RANBP2: variants seen among roughly 807,000 people sequenced by gnomAD.
RANBP2 encodes the protein RAN binding protein 2, also known as E3 SUMO-protein ligase RanBP2.
Under a neutral mutation model 303.6 loss-of-function variants are expected in RANBP2, and 57 were observed. That is an observed-to-expected ratio of 0.19 (90% CI 0.15 to 0.23). The LOEUF is 0.23. Among genes scored for constraint, RANBP2 ranks in the 10% least tolerant of loss-of-function variants. RANBP2 has a pLI of 1.00. For missense variants in RANBP2, 3,138 were observed against 3,780.8 expected, an observed-to-expected ratio of 0.83 and a Z score of 4.46; for synonymous variants, 1,167 against 1,301.5, an observed-to-expected ratio of 0.90 and a Z score of 2.23.
the RANBP2 span, among the ~76,000 whole-genome samples, chr2:109,270,060 ATGCCGTGAGCTTGGC>A: frequency 6.6e-6 from 1 of 152,226 alleles, no homozygotes; most frequent in African/African-American, 2.4e-5. Flanking sequence ...AGGAAGCAGG[ATGCCGTGAGCTTGGC>A]TGCCGTGGGG....
the RANBP2 span, among the ~76,000 whole-genome samples, chr2:109,608,436 C>A: frequency 6.6e-6 from 1 of 152,190 alleles, no homozygotes; most frequent in East Asian, 1.9e-4. Flanking sequence ...TAAACTTGAT[C>A]TGATTCTTAA....
chr2:108,891,453 A>G, the RANBP2 span, among the ~76,000 whole-genome samples: 2 of 152,234 alleles, frequency 1.3e-5, no homozygotes, highest in Admixed American at 1.3e-4. Context: ...GGTGGCATCC[A>G]TGATTTCCCC....
chr2:109,357,625 G>A, the RANBP2 span, among the ~76,000 whole-genome samples: 9 of 152,154 alleles, frequency 5.9e-5, no homozygotes, highest in African/African-American at 1.9e-4. Flanking sequence ...AAGGAATCAC[G>A]CAGGATTTAT....
chr2:109,392,312 A>T, the RANBP2 span, among the ~76,000 whole-genome samples: 1 of 152,300 alleles, frequency 6.6e-6, no homozygotes, highest in East Asian at 1.9e-4. Flanking sequence ...ATCTCAGAAA[A>T]GGGGTGAGCA....
chr2:109,581,993 T>C, the RANBP2 span, among the ~76,000 whole-genome samples: 1 of 151,782 alleles, frequency 6.6e-6, no homozygotes, highest in Non-Finnish European at 1.5e-5. Flanking sequence ...GCAAAACCAA[T>C]GTACAAAAAT....
the RANBP2 span, among the ~76,000 whole-genome samples, chr2:108,974,502 G>C: frequency 1.3e-5 from 2 of 151,160 alleles, no homozygotes; most frequent in South Asian, 2.1e-4. Flanking sequence ...GAGGCCAAGG[G>C]GGGTGGATCA....
At chr2:109,034,298 G>GAAAA in the RANBP2 span, among the ~76,000 whole-genome samples, 87 of 124,956 alleles carry the variant, frequency 7.0e-4, 1 homozygote, top group Non-Finnish European at 1.1e-3. Context: ...AAAAAAAAAG[G>GAAAA]AAGGTTCAAA....
At chr2:108,841,072 G>T in the RANBP2 span, among the ~76,000 whole-genome samples, 2 of 152,052 alleles carry the variant, frequency 1.3e-5, no homozygotes, top group Non-Finnish European at 2.9e-5. Context: ...TTGACCTCAA[G>T]TGATCTGCCC....
the RANBP2 span, among the ~76,000 whole-genome samples, chr2:109,711,984 T>C: frequency 6.6e-6 from 1 of 152,212 alleles, no homozygotes; most frequent in East Asian, 1.9e-4. Context: ...CAGTGCATCC[T>C]GCCTGGCTCC....
chr2:108,755,013 G>A lies in RANBP2; in HGVS notation c.2311G>A (p.Ala771Thr). Residue 771 changes from alanine (A) to threonine (T), a missense_variant, in exon 16 of 29, where the codon GCA (alanine) becomes ACA (threonine). Coordinates refer to ENST00000283195, the MANE Select transcript of RANBP2 (RefSeq NM_006267.5). ...CTATAAAAATGGTTCTTTGCGAAAT[G>A]CAGATTCAGAAATAAAACATTCTAC... The part of the protein sequence containing the change: ...PLYKNGSLRN[A>T]DSEIKHSTPS... 1 of 1,611,842 alleles carries A rather than the reference G, an allele frequency of 6.2e-7. No individual in the cohort carries two copies. The highest frequency in any genetic ancestry group is 1.1e-5 in the South Asian group (1 of 90,986).
intron 20 of RANBP2, 127 bp from the exon 21 acceptor site, chr2:108,771,574 A>G (rs878906761): frequency 2.7e-6 from 4 of 1,458,294 alleles, no homozygotes; most frequent in South Asian, 2.6e-5. Context: ...GCATCAAAGT[A>G]TATGTGTTTT....
At chr2:109,379,423 G>A in the RANBP2 span, among the ~76,000 whole-genome samples, 26 of 152,066 alleles carry the variant, frequency 1.7e-4, no homozygotes, top group Non-Finnish European at 3.2e-4. Context: ...CTCTCCAGGC[G>A]AGCCCCTCGC....
At chr2:109,051,905 T>A in the RANBP2 span, among the ~76,000 whole-genome samples, 1 of 152,004 alleles carries the variant, frequency 6.6e-6, no homozygotes, top group Non-Finnish European at 1.5e-5. Flanking sequence ...CCCACCACCA[T>A]GCCCAGCTAA....
At chr2:109,259,962 A>G in the RANBP2 span, among the ~76,000 whole-genome samples, 1 of 152,144 alleles carries the variant, frequency 6.6e-6, no homozygotes, top group South Asian at 2.1e-4. Context: ...TCAGACGCCC[A>G]GGGGTTTTCT....
chr2:109,385,081 A>C, the RANBP2 span, among the ~76,000 whole-genome samples: 1 of 151,974 alleles, frequency 6.6e-6, no homozygotes, highest in Non-Finnish European at 1.5e-5. Context: ...CTGTCCCTTC[A>C]TCTGTCCCTT....
At chr2:109,104,774 T>C in the RANBP2 span, among the ~76,000 whole-genome samples, 1 of 152,186 alleles carries the variant, frequency 6.6e-6, no homozygotes, top group African/African-American at 2.4e-5. Flanking sequence ...TGAGCTACCG[T>C]GCCCAGCCGG....
chr2:109,692,604 A>G, the RANBP2 span, among the ~76,000 whole-genome samples: 2 of 152,060 alleles, frequency 1.3e-5, no homozygotes, highest in African/African-American at 4.8e-5. Flanking sequence ...GTGTGGGAGA[A>G]AGCGAGGAAG....
chr2:108,776,039 T>G (rs776964546), intron 24 of RANBP2, 103 bp downstream of exon 24: 2 of 978,000 alleles, frequency 2.0e-6, no homozygotes, highest in Non-Finnish European at 3.1e-6. Flanking sequence ...TTAAAACACA[T>G]TTTGATATGT....
the RANBP2 span, among the ~76,000 whole-genome samples, chr2:109,368,196 T>TTAAGCCTTTG: frequency 1.3e-5 from 2 of 152,260 alleles, no homozygotes; most frequent in African/African-American, 4.8e-5. Flanking sequence ...AGTAAAGACA[T>TTAAGCCTTTG]TAAGCCTTTG....
Sources: allele counts gnomAD v4.1 joint callset (sites outside exome capture counted in the v4.1 genomes callset), GRCh38; gene constraint gnomAD v4.1.1; transcripts MANE v1.5; gene names NCBI Gene and HGNC (gene_info 2026-07-23, HGNC 2026-07-21).